Variants in VDAC1 observed in about 807,000 individuals in gnomAD.
VDAC1 encodes the protein non-selective voltage-gated ion channel VDAC1.
In VDAC1, 10 loss-of-function variants were observed where a neutral mutation model predicts 34.7. The ratio of observed to expected loss-of-function variants is 0.29; its 90% CI spans 0.18 to 0.49. The LOEUF (loss-of-function observed/expected upper bound fraction) is 0.49, where lower values mean the gene tolerates loss of function less well. VDAC1 is among the 20% of genes least tolerant of loss of function. The probability of loss-of-function intolerance (pLI) is 0.99; values close to 1 mark genes in which losing one functional copy is unlikely to be tolerated. For synonymous variants in VDAC1, 130 were observed against 136.0 expected (o/e 0.96, Z 0.30); for missense variants, 230 against 347.9 (o/e 0.66, Z 2.69).
Position 133,991,041 on chromosome 5 carries a change from G to T in VDAC1, c.231C>A (p.Thr77=). 2 of 1,614,022 alleles carry T rather than the reference G, an allele frequency of 1.2e-6. No individual in the cohort carries two copies. The highest frequency in any genetic ancestry group is 2.2e-5 in the South Asian group (2 of 91,072). The change falls in exon 4 of 9, where the codon ACC becomes ACA. Residue 77 remains threonine, a synonymous_variant. Coordinates refer to ENST00000265333, the MANE Select transcript of VDAC1 (RefSeq NM_003374.3). ...TAATCTCGGTGCCTAGTGTATTGTC[G>T]GTATTCCATTTCTCTGTAAACGTCA... ...YGLTFTEKWN[T]DNTLGTEITV...
At chr5:134,071,353 C>G in the VDAC1 span, among the ~76,000 whole-genome samples, 1 of 152,110 alleles carries the variant, frequency 6.6e-6, no homozygotes, top group Non-Finnish European at 1.5e-5. The surrounding 1 kb of genome is among the most constrained non-coding windows in gnomAD (Gnocchi z 4.1). Context: ...ACTTGGAGGC[C>G]CACAAAGGGA....
At chr5:134,109,770 C>CAAA in the VDAC1 span, among the ~76,000 whole-genome samples, 1 of 140,276 alleles carries the variant, frequency 7.1e-6, no homozygotes, top group Non-Finnish European at 1.5e-5. Flanking sequence ...GGCTCCATCT[C>CAAA]AAAAAAAAAA....
At chr5:133,986,152 G>A (rs1424605222) in intron 5 of VDAC1, among the ~76,000 whole-genome samples, 2 of 152,246 alleles carry the variant, frequency 1.3e-5, no homozygotes, top group Admixed American at 1.3e-4. Flanking sequence ...AGGCCTGACT[G>A]ATTTGTGGTT....
At chr5:134,048,129 T>A in the VDAC1 span, among the ~76,000 whole-genome samples, 6 of 151,276 alleles carry the variant, frequency 4.0e-5, no homozygotes, top group South Asian at 6.3e-4. Flanking sequence ...CACCATGCCC[T>A]GCTAACTTTT....
chr5:134,074,305 AAAATAAATAAATAAATAAATAAAT>A, the VDAC1 span, among the ~76,000 whole-genome samples: 76 of 136,772 alleles, frequency 5.6e-4, no homozygotes, highest in African/African-American at 1.8e-3. Flanking sequence ...ACTCCATCTC[AAAATAAATAAATAAATAAATAAAT>A]AAATAAATAA....
chr5:133,992,995 C>T lies in VDAC1; in HGVS notation c.18G>A (p.Thr6=), dbSNP rs761502367. 14 of 1,613,234 alleles carry T rather than the reference C, an allele frequency of 8.7e-6. No homozygotes were observed. Among genetic ancestry groups the T allele is most frequent in the African/African-American group, 2.7e-5 (2 of 74,912 alleles). Residue 6 remains threonine, a synonymous_variant, in exon 2 of 9, where the codon ACG becomes ACA. Transcript: ENST00000265333. ...TGGCAGATTTGCCAAGATCGGCATACGTGGGTGGCACAGCCATCTTCTGCT... is the reference window on the plus strand; with the variant it reads ...TGGCAGATTTGCCAAGATCGGCATATGTGGGTGGCACAGCCATCTTCTGCT... MAVPP[T]YADLGKSARD... is the part of the protein sequence containing the mutation.
chr5:134,074,779 G>A, the VDAC1 span, among the ~76,000 whole-genome samples: 1 of 152,048 alleles, frequency 6.6e-6, no homozygotes, highest in Non-Finnish European at 1.5e-5. Flanking sequence ...CCCTATATGG[G>A]ATCATGTACT....
At position 133,992,969 on chromosome 5, in the gene VDAC1, C is replaced by T; in HGVS notation, c.44G>A (p.Arg15Lys). Residue 15 changes from arginine to lysine, a missense_variant, in exon 2 of 9, where the codon AGG becomes AAG. By Grantham distance (26) the Arg-to-Lys change is conservative. Coordinates refer to ENST00000265333, the MANE Select transcript of VDAC1 (RefSeq NM_003374.3). ...PTYADLGKSA[R>K]DVFTKGYGFG... Reference sequence around the variant, plus strand: ...ACCATAGCCCTTGGTGAAGACATCCCTGGCAGATTTGCCAAGATCGGCATA... The same window carrying T: ...ACCATAGCCCTTGGTGAAGACATCCTTGGCAGATTTGCCAAGATCGGCATA... 1 of 1,613,760 alleles carries T rather than the reference C, an allele frequency of 6.2e-7. No homozygotes were observed. The highest frequency in any genetic ancestry group is 1.7e-5 in the Admixed American group (1 of 59,988).
the VDAC1 span, among the ~76,000 whole-genome samples, chr5:134,092,557 TC>T: frequency 6.6e-6 from 1 of 151,642 alleles, no homozygotes; most frequent in African/African-American, 2.4e-5. Flanking sequence ...GTGCCTGTAA[TC>T]CCAGCTACTC....
At chr5:134,041,586 G>C in the VDAC1 span, among the ~76,000 whole-genome samples, 1 of 152,236 alleles carries the variant, frequency 6.6e-6, no homozygotes. Context: ...CCCCACTCCA[G>C]TGGGGATGGG....
At chr5:134,013,539 C>A in the VDAC1 span, among the ~76,000 whole-genome samples, 1 of 152,162 alleles carries the variant, frequency 6.6e-6, no homozygotes, top group Non-Finnish European at 1.5e-5. Context: ...AGACAGCCTG[C>A]AGAATGGGAG....
chr5:134,074,976 T>C, the VDAC1 span, among the ~76,000 whole-genome samples: 1 of 152,096 alleles, frequency 6.6e-6, no homozygotes, highest in Non-Finnish European at 1.5e-5. Flanking sequence ...TCTCTACTCA[T>C]AACTTTGCTC....
chr5:134,049,507 G>A, the VDAC1 span, among the ~76,000 whole-genome samples: 1 of 152,060 alleles, frequency 6.6e-6, no homozygotes, highest in African/African-American at 2.4e-5. Flanking sequence ...ATATTTAAGG[G>A]TTACTCATTA....
chr5:133,994,486 A>G (rs1753219405), intron 1 of VDAC1, among the ~76,000 whole-genome samples: 1 of 152,150 alleles, frequency 6.6e-6, no homozygotes, highest in Non-Finnish European at 1.5e-5. Flanking sequence ...ATCAGGGTAG[A>G]GAGATGAGGG....
the VDAC1 span, among the ~76,000 whole-genome samples, chr5:134,090,419 G>C: frequency 2.6e-5 from 4 of 152,164 alleles, no homozygotes; most frequent in Non-Finnish European, 5.9e-5. Context: ...GGATGGTGAG[G>C]GTGGAGCTAA....
the VDAC1 span, among the ~76,000 whole-genome samples, chr5:134,025,635 G>C: frequency 6.6e-6 from 1 of 151,988 alleles, no homozygotes; most frequent in African/African-American, 2.4e-5. Context: ...TGTCACCCAG[G>C]CTGGAGTGCA....
chr5:134,071,204 G>C, the VDAC1 span, among the ~76,000 whole-genome samples: 5 of 152,238 alleles, frequency 3.3e-5, no homozygotes, highest in Non-Finnish European at 5.9e-5. The surrounding 1 kb of genome is among the most constrained non-coding windows in gnomAD (Gnocchi z 4.1). Context: ...GTTCCCAGCG[G>C]GTGCCACCCT....
chr5:134,108,235 C>T, the VDAC1 span, among the ~76,000 whole-genome samples: 117,982 of 150,804 alleles, frequency 0.78, 46,121 homozygotes, highest in East Asian at 0.85. Flanking sequence ...GTCCCCACTC[C>T]CAACCCCCAC....
chr5:134,022,716 A>G, the VDAC1 span, among the ~76,000 whole-genome samples: 980 of 152,370 alleles, frequency 6.4e-3, 11 homozygotes, highest in African/African-American at 0.023. Flanking sequence ...CCTTATGCAA[A>G]TGAGACATCC....
Sources: gnomAD v4.1 joint callset for allele counts (sites outside exome capture counted in the v4.1 genomes callset) on GRCh38, gnomAD v4.1.1 for gene constraint, Gnocchi (gnomAD v3.1) non-coding constraint, MANE v1.5 for transcripts, NCBI Gene and HGNC (gene_info 2026-07-23, HGNC 2026-07-21) for gene names.